The following LEPR variants were observed in gnomAD, a reference collection of about 807,000 sequenced individuals.
LEPR encodes leptin receptor, also known as OB receptor.
LEPR carries 56 observed loss-of-function variants against 114.7 expected under a neutral mutation model. The observed-to-expected ratio is 0.49, with a 90% confidence interval of 0.39 to 0.61. The LOEUF (loss-of-function observed/expected upper bound fraction) is 0.61, where lower values mean the gene tolerates loss of function less well. LEPR is among the 20% of genes least tolerant of loss of function. The pLI is 0.00. For synonymous variants in LEPR, 443 were observed against 461.4 expected, an observed-to-expected ratio of 0.96 and a Z score of 0.51; for missense variants, 1,202 against 1,352.9, an observed-to-expected ratio of 0.89 and a Z score of 1.75.
At chr1:65,569,538 C>A in intron 3 of LEPR, among the ~76,000 whole-genome samples, 1 of 152,070 alleles carries the variant, frequency 6.6e-6, no homozygotes, top group Non-Finnish European at 1.5e-5. Flanking sequence ...AAAACCCCGT[C>A]TCTACTAAAA....
intron 2 of LEPR, among the ~76,000 whole-genome samples, chr1:65,485,933 T>C (rs1437584382): frequency 6.6e-6 from 1 of 152,166 alleles, no homozygotes; most frequent in Non-Finnish European, 1.5e-5. Flanking sequence ...ACGGTGCTTC[T>C]GAACACCATT....
chr1:65,639,530 T>G lies in LEPR; in HGVS notation c.*2515T>G, dbSNP rs1658805947. The G allele has an allele frequency of 6.6e-6, 1 of 152,144 alleles. No homozygotes were observed. The highest frequency in any genetic ancestry group is 1.5e-5 in the Non-Finnish European group (1 of 68,028). 9.4% of individuals were successfully genotyped at this position (152,144 alleles called of 1,614,324 possible). A position where few individuals can be genotyped will look rare whatever the true frequency, so the allele number is the denominator to read the frequency against. Reference sequence around the variant, plus strand: ...GATTTTCACATAATTTAGAAAAAATTTAGAATGTTTTATGCCTCAGAATGG... The same window carrying G: ...GATTTTCACATAATTTAGAAAAAATGTAGAATGTTTTATGCCTCAGAATGG... On this transcript the variant is annotated 3_prime_UTR_variant, in exon 20 of 20. Transcript: ENST00000349533.
intron 2 of LEPR, among the ~76,000 whole-genome samples, chr1:65,491,845 G>T (rs1333816027): frequency 6.6e-6 from 1 of 152,048 alleles, no homozygotes; most frequent in Non-Finnish European, 1.5e-5. Flanking sequence ...TTCTAAAATT[G>T]TGAGATGAGC....
At chr1:65,444,960 C>A (rs1418267221) in intron 2 of LEPR, among the ~76,000 whole-genome samples, 1 of 152,172 alleles carries the variant, frequency 6.6e-6, no homozygotes, top group Non-Finnish European at 1.5e-5. Flanking sequence ...GACTGTTACT[C>A]AGACCCAAGT....
At chr1:65,570,164 A>G (rs555792753) in intron 3 of LEPR, among the ~76,000 whole-genome samples, 46 of 152,360 alleles carry the variant, frequency 3.0e-4, no homozygotes, top group African/African-American at 1.0e-3. Flanking sequence ...GAAAAATAAA[A>G]TATTCAGTGT....
At chr1:65,521,173 CA>C (rs1340950398) in intron 2 of LEPR, among the ~76,000 whole-genome samples, 1 of 152,232 alleles carries the variant, frequency 6.6e-6, no homozygotes, top group Non-Finnish European at 1.5e-5. Context: ...GAAATAACTC[CA>C]AGAACAGTTT....
At chr1:65,435,646 C>T in intron 2 of LEPR, 1 of 982,022 alleles carries the variant, frequency 1.0e-6, no homozygotes, top group Non-Finnish European at 1.2e-6. Context: ...GGATTACAGG[C>T]CTGAGCCACT....
intron 14 of LEPR, among the ~76,000 whole-genome samples, chr1:65,611,128 TA>T (rs1200985163): frequency 2.0e-5 from 3 of 152,254 alleles, no homozygotes; most frequent in South Asian, 2.1e-4. Flanking sequence ...TTTATTCTTT[TA>T]TTTCATTTCT....
intron 2 of LEPR, among the ~76,000 whole-genome samples, chr1:65,518,964 TTTTC>T (rs1306276332): frequency 6.9e-6 from 1 of 145,464 alleles, no homozygotes; most frequent in Non-Finnish European, 1.5e-5. Flanking sequence ...CTTCTTTTTC[TTTTC>T]TTTTTCTCTC....
At chr1:65,472,517 A>T (rs1487347570) in intron 2 of LEPR, among the ~76,000 whole-genome samples, 2 of 148,304 alleles carry the variant, frequency 1.3e-5, no homozygotes, top group South Asian at 2.1e-4. Context: ...AATGAAGTAG[A>T]TGATTGACCT....
At chr1:65,549,729 A>G (rs1198562023) in intron 2 of LEPR, among the ~76,000 whole-genome samples, 1 of 152,138 alleles carries the variant, frequency 6.6e-6, no homozygotes, top group African/African-American at 2.4e-5. Context: ...TTTTTTTCAA[A>G]GTTTTCAACT....
Position 65,438,607 on chromosome 1 carries a change from T to C in LEPR, c.-21+13229T>C, listed in dbSNP as rs367652417. 5.5e-5 allele frequency among the ~76,000 whole-genome samples: 8 copies of C among 146,504 alleles called. No individual in the cohort carries two copies. In the East Asian group the frequency reaches 1.4e-3, roughly 26 times the overall value. On this transcript the variant is annotated intron_variant, in intron 2 of 19. Transcript: ENST00000349533. ...GCTAGAGAGTAAATAAAGTGGCCCC[T>C]AATACAGTGGGTATAGATTCATGAA...
At chr1:65,478,447 A>G (rs139073360) in intron 2 of LEPR, among the ~76,000 whole-genome samples, 2 of 152,312 alleles carry the variant, frequency 1.3e-5, no homozygotes, top group African/African-American at 2.4e-5. Flanking sequence ...CATTTTCCCA[A>G]ATTGTTTTGT....
chr1:65,538,070 A>T (rs573951602), intron 2 of LEPR, among the ~76,000 whole-genome samples: 1 of 151,674 alleles, frequency 6.6e-6, no homozygotes, highest in African/African-American at 2.4e-5. Context: ...AATTACCTTT[A>T]TTTTTTCTTA....
Position 65,533,256 on chromosome 1 carries a change from G to A in LEPR, c.-20-32290G>A, listed in dbSNP as rs991446181. On this transcript the variant is annotated intron_variant, in intron 2 of 19. Transcript: ENST00000349533. ...ACATTTTAGGACTGAATGATTAAAG[G>A]ATATCAATTTCCTTTTCATTGTTAT... 3.3e-5 allele frequency among the ~76,000 whole-genome samples: 5 copies of A among 152,172 alleles called. No individual in the cohort carries two copies. In the South Asian group the frequency reaches 1.0e-3, roughly 32 times the overall value.
At chr1:65,490,408 T>C (rs1442005158) in intron 2 of LEPR, among the ~76,000 whole-genome samples, 1 of 152,112 alleles carries the variant, frequency 6.6e-6, no homozygotes, top group African/African-American at 2.4e-5. Flanking sequence ...AGCCTTGTCT[T>C]GGGGATAATA....
intron 2 of LEPR, among the ~76,000 whole-genome samples, chr1:65,537,365 G>T (rs1347199933): frequency 6.6e-6 from 1 of 151,988 alleles, no homozygotes; most frequent in Non-Finnish European, 1.5e-5. Flanking sequence ...TACACTAAAG[G>T]GTATAACCTG....
At chr1:65,616,964 C>T (rs1039361010) in intron 15 of LEPR, among the ~76,000 whole-genome samples, 8 of 152,064 alleles carry the variant, frequency 5.3e-5, no homozygotes, top group East Asian at 3.9e-4. Context: ...TGCTTCCTGT[C>T]TTTCTTATTT....
In LEPR at chr1:65,617,986, T is replaced by C. The variant is rs1188548433; in HGVS notation, c.2235T>C (p.Ser745=). The C allele has an allele frequency of 6.2e-7, 1 of 1,612,666 alleles. No individual in the cohort carries two copies. Among genetic ancestry groups the C allele is most frequent in the South Asian group, 1.1e-5 (1 of 90,902 alleles). Residue 745 remains serine, a synonymous_variant, in exon 16 of 20, where the codon AGT becomes AGC. Transcript: ENST00000349533. ...CAGTAAATATCGTGCAGTCACTCAGTGCTTATCCTTTAAACAGCAGTTGTG... is the reference window on the plus strand; with the variant it reads ...CAGTAAATATCGTGCAGTCACTCAGCGCTTATCCTTTAAACAGCAGTTGTG... ...MSKVNIVQSL[S]AYPLNSSCVI... is the part of the protein sequence containing the mutation.
Sources: gnomAD v4.1 joint callset for allele counts (sites outside exome capture counted in the v4.1 genomes callset) on GRCh38, gnomAD v4.1.1 for gene constraint, MANE v1.5 for transcripts, NCBI Gene and HGNC (gene_info 2026-07-23, HGNC 2026-07-21) for gene names.